Variants in THSD7A observed in about 807,000 individuals in gnomAD.
The protein encoded by THSD7A is thrombospondin type 1 domain containing 7A, also known as thrombospondin type-1 domain-containing protein 7A.
In THSD7A, 96 loss-of-function variants were observed where a neutral mutation model predicts 231.3. The ratio of observed to expected loss-of-function variants is 0.41; its 90% CI spans 0.35 to 0.49. The LOEUF is 0.49. Ranked by LOEUF, THSD7A falls within the 20% of genes least tolerant of loss-of-function variation. The pLI, the probability that THSD7A is intolerant of heterozygous loss-of-function variation, is 0.05. For synonymous variants in THSD7A, 940 were observed against 743.3 expected (o/e 1.26, Z -4.30); for missense variants, 2,290 against 2,070.2 (o/e 1.11, Z -2.06).
At chr7:11,692,313 G>A (rs1780257616) in intron 1 of THSD7A, among the ~76,000 whole-genome samples, 1 of 151,548 alleles carries the variant, frequency 6.6e-6, no homozygotes, top group Admixed American at 6.6e-5. Flanking sequence ...TAAATAAGAA[G>A]CTAATCATTT....
At chr7:11,617,030 C>T (rs1030775306) in intron 2 of THSD7A, among the ~76,000 whole-genome samples, 8 of 152,232 alleles carry the variant, frequency 5.3e-5, no homozygotes, top group Non-Finnish European at 8.8e-5. Context: ...CACAGTGATG[C>T]TATATTTGTG....
intron 13 of THSD7A, among the ~76,000 whole-genome samples, chr7:11,431,805 A>T (rs529807553): frequency 6.6e-6 from 1 of 152,144 alleles, no homozygotes; most frequent in Non-Finnish European, 1.5e-5. Flanking sequence ...ATTCAGACAC[A>T]TGGAATTCAT....
chr7:11,546,202 G>GCGCGCGCACACACACACA (rs761841418), intron 4 of THSD7A, among the ~76,000 whole-genome samples: 14 of 129,370 alleles, frequency 1.1e-4, no homozygotes, highest in African/African-American at 2.6e-4. Context: ...GTGGGCGCGC[G>GCGCGCGCACACACACACA]CTCACACACA....
At position 11,831,799 on chromosome 7, in the gene THSD7A, G is replaced by A. The variant is rs770213037; in HGVS notation, c.148C>T (p.Gln50Ter). 1 of 1,470,608 alleles carries A rather than the reference G, an allele frequency of 6.8e-7. No individual in the cohort carries two copies. The highest frequency in any genetic ancestry group is 9.0e-7 in the Non-Finnish European group (1 of 1,107,760). The allele number at this position is 1,470,608 out of a possible 1,614,324, so 91.1% of individuals were successfully genotyped here. A position where few individuals can be genotyped will look rare whatever the true frequency, so the allele number is the denominator to read the frequency against. ...LRPGAGRAAAQGEAEAPTLYL... is the reference protein window; with the variant it reads ...LRPGAGRAAA ...AGGGTGGGCGCCTCCGCCTCGCCCT[G>A]CGCCGCAGCCCTGCCGGCGCCCGGG... The change falls in exon 1 of 28, where the codon CAG becomes TAG. Residue 50 changes from glutamine (Q) to a stop codon, truncating the protein, a stop_gained. Coordinates refer to ENST00000423059, the MANE Select transcript of THSD7A (RefSeq NM_015204.3). LOFTEE classifies it high-confidence loss of function. This position sits in a 1 kb window ranked among gnomAD's most constrained non-coding sequence, Gnocchi z 5.0.
At position 11,372,692 on chromosome 7, in the gene THSD7A, G is replaced by A. The variant is rs1165048347; in HGVS notation, c.*3102C>T. Reference sequence around the variant, plus strand: ...AACCAAACAACAGACCTTCATTCTAGGGAACAGCAGTTCTACATCTTTTAC... The same window carrying A: ...AACCAAACAACAGACCTTCATTCTAAGGAACAGCAGTTCTACATCTTTTAC... On this transcript the variant is annotated 3_prime_UTR_variant, in exon 28 of 28. Transcript: ENST00000423059. 1 of 151,782 alleles carries A rather than the reference G, an allele frequency of 6.6e-6. No individual in the cohort carries two copies. Among genetic ancestry groups the A allele is most frequent in the East Asian group, 1.9e-4 (1 of 5,190 alleles). 9.4% of individuals were successfully genotyped at this position (151,782 alleles called of 1,614,324 possible).
At chr7:11,466,260 T>G (rs570038511) in intron 9 of THSD7A, among the ~76,000 whole-genome samples, 1 of 152,308 alleles carries the variant, frequency 6.6e-6, no homozygotes, top group Admixed American at 6.5e-5. Flanking sequence ...ATTACCTCTC[T>G]TTGAACATTC....
rs1286486574 is a variant in THSD7A, at chr7:11,447,366, A to G, written c.2664T>C (p.Tyr888=). The change falls in exon 12 of 28, where the codon TAT becomes TAC. Residue 888 remains tyrosine (Y), a synonymous_variant. Coordinates refer to ENST00000423059, the MANE Select transcript of THSD7A (RefSeq NM_015204.3). ...GGGTAAGGGCTGGCACAGGGCCTGC[A>G]TACTGTAGGCACTCATGGATTCCAG... ...GQAGIHECLQ[Y]AGPVPALTQA... 2 of 1,611,380 alleles carry G rather than the reference A, an allele frequency of 1.2e-6. No individual in the cohort carries two copies. The highest frequency in any genetic ancestry group is 8.5e-7 in the Non-Finnish European group (1 of 1,178,836).
At chr7:11,450,258 A>G (rs1034197417) in intron 11 of THSD7A, among the ~76,000 whole-genome samples, 1 of 152,076 alleles carries the variant, frequency 6.6e-6, no homozygotes, top group East Asian at 1.9e-4. Context: ...ATTCACATAA[A>G]CTGGAATCCC....
chr7:11,624,739 T>G (rs1369940350), intron 2 of THSD7A, among the ~76,000 whole-genome samples: 3 of 152,150 alleles, frequency 2.0e-5, no homozygotes, highest in Non-Finnish European at 4.4e-5. Flanking sequence ...ATACAAAATC[T>G]CTGGGCCAAC....
intron 2 of THSD7A, among the ~76,000 whole-genome samples, chr7:11,594,647 A>T (rs973944481): frequency 3.9e-5 from 6 of 152,196 alleles, no homozygotes; most frequent in African/African-American, 4.8e-5. Context: ...CATTGCTCCT[A>T]AGTTCAATGG....
At chr7:11,688,079 G>T (rs1435969169) in intron 1 of THSD7A, among the ~76,000 whole-genome samples, 1 of 105,686 alleles carries the variant, frequency 9.5e-6, no homozygotes, top group Non-Finnish European at 1.9e-5. Context: ...CCCACAACAG[G>T]CCCCCGGTGT....
intron 2 of THSD7A, among the ~76,000 whole-genome samples, chr7:11,594,307 A>T (rs1193178549): frequency 6.6e-6 from 1 of 152,168 alleles, no homozygotes; most frequent in Non-Finnish European, 1.5e-5. Flanking sequence ...CTATCCTATC[A>T]GTTCTGTCCC....
chr7:11,747,376 CCT>C (rs527636095), intron 1 of THSD7A, among the ~76,000 whole-genome samples: 30 of 151,852 alleles, frequency 2.0e-4, no homozygotes, highest in Non-Finnish European at 3.8e-4. Flanking sequence ...AATTAAAATT[CCT>C]CTCCGTTGAG....
At chr7:11,426,634 T>C in intron 15 of THSD7A, 32 bp downstream of exon 15, 1 of 1,535,268 alleles carries the variant, frequency 6.5e-7, no homozygotes, top group Middle Eastern at 1.7e-4. Flanking sequence ...AGAAGGATTC[T>C]ATCAAAAAGC....
chr7:11,786,564 C>A (rs1056389903), intron 1 of THSD7A, among the ~76,000 whole-genome samples: 8 of 148,856 alleles, frequency 5.4e-5, no homozygotes, highest in African/African-American at 2.1e-4. Flanking sequence ...TTAGAAAAAG[C>A]ACTTGAGACT....
chr7:11,415,044 AGGTTTCTTCACACACAGTGAACT>A (rs1390978719), intron 17 of THSD7A, among the ~76,000 whole-genome samples: 2 of 152,238 alleles, frequency 1.3e-5, no homozygotes, highest in African/African-American at 4.8e-5. Flanking sequence ...TTCATCCTAA[AGGTTTCTTCACACACAGTGAACT>A]ATACCCTCTT....
intron 1 of THSD7A, among the ~76,000 whole-genome samples, chr7:11,656,798 A>C (rs1562448930): frequency 1.3e-5 from 2 of 151,808 alleles, no homozygotes; most frequent in African/African-American, 4.8e-5. Context: ...GAAATACCTG[A>C]AGTCGGAAGG....
chr7:11,702,429 T>G (rs1050892488), intron 1 of THSD7A, among the ~76,000 whole-genome samples: 1 of 151,250 alleles, frequency 6.6e-6, no homozygotes, highest in Non-Finnish European at 1.5e-5. Flanking sequence ...TTCCAGTGAT[T>G]TCCTCCATGT....
At chr7:11,668,954 T>C (rs1783266034) in intron 1 of THSD7A, among the ~76,000 whole-genome samples, 1 of 152,200 alleles carries the variant, frequency 6.6e-6, no homozygotes. Flanking sequence ...AACAGCAGAC[T>C]GGAATAGTGT....
Sources: gnomAD v4.1 joint callset for allele counts (sites outside exome capture counted in the v4.1 genomes callset) on GRCh38, gnomAD v4.1.1 for gene constraint, Gnocchi (gnomAD v3.1) non-coding constraint, MANE v1.5 for transcripts, NCBI Gene and HGNC (gene_info 2026-07-23, HGNC 2026-07-21) for gene names.